BRSK1: variants seen among roughly 807,000 people sequenced by gnomAD.
The protein encoded by BRSK1 is BR serine/threonine kinase 1, also known as serine/threonine-protein kinase BRSK1.
BRSK1 carries 17 observed loss-of-function variants against 86.2 expected under a neutral mutation model. The observed-to-expected ratio is 0.20, with a 90% CI of 0.14 to 0.30. The LOEUF is 0.30. Ranked by LOEUF, BRSK1 falls within the 10% of genes least tolerant of loss-of-function variation. The pLI is 1.00. For synonymous variants in BRSK1, 464 were observed against 440.1 expected, an observed-to-expected ratio of 1.05 and a Z score of -0.68; for missense variants, 719 against 1,071.9, an observed-to-expected ratio of 0.67 and a Z score of 4.60.
intron 4 of BRSK1, among the ~76,000 whole-genome samples, chr19:55,291,908 G>C (rs943750591): frequency 1.3e-5 from 2 of 152,024 alleles, no homozygotes; most frequent in African/African-American, 4.8e-5. Flanking sequence ...ACAGGCACCC[G>C]CCACCATGCC....
At chr19:55,289,980 A>G (rs939230085) in intron 4 of BRSK1, among the ~76,000 whole-genome samples, 1 of 151,788 alleles carries the variant, frequency 6.6e-6, no homozygotes, top group Non-Finnish European at 1.5e-5. Context: ...CATACGATAC[A>G]TGGCCCTTTT....
chr19:55,299,951 G>A (rs1052472018), intron 7 of BRSK1, among the ~76,000 whole-genome samples: 1 of 152,144 alleles, frequency 6.6e-6, no homozygotes, highest in Non-Finnish European at 1.5e-5. Context: ...CCTCCCATGA[G>A]TCTTTGTCCA....
Position 55,304,527 on chromosome 19 carries a change from ATC to A in BRSK1, c.1348-21_1348-20del, listed in dbSNP as rs1386002971. 6.5e-7 allele frequency: 1 copy of A among 1,530,972 alleles called. No homozygotes were observed. The highest frequency in any genetic ancestry group is 1.4e-5 in the African/African-American group (1 of 70,778). 94.8% of individuals were successfully genotyped at this position (1,530,972 alleles called of 1,614,324 possible). On this transcript the variant is annotated intron_variant, in intron 13 of 18. Transcript: ENST00000309383. This position sits in a 1 kb window ranked among gnomAD's most constrained non-coding sequence, Gnocchi z 5.2. ...CCTGGGAGTTGTAGTCCACTCGCTT[ATC>A]TCAGTCTCCTGTCCTCTGCAGAGTC...
At chr19:55,298,245 T>C (rs2088520045) in intron 7 of BRSK1, among the ~76,000 whole-genome samples, 1 of 136,310 alleles carries the variant, frequency 7.3e-6, no homozygotes, top group Non-Finnish European at 1.6e-5. Flanking sequence ...TGAGATGAAG[T>C]CTTAGTCTTG....
intron 18 of BRSK1, among the ~76,000 whole-genome samples, chr19:55,309,661 A>G (rs942168025): frequency 2.6e-5 from 4 of 152,166 alleles, no homozygotes; most frequent in African/African-American, 7.2e-5. Flanking sequence ...TCATGACCTC[A>G]TCACCTCCTA....
chr19:55,290,560 TAA>T (rs1267604147), intron 4 of BRSK1, among the ~76,000 whole-genome samples: 1 of 152,226 alleles, frequency 6.6e-6, no homozygotes, highest in African/African-American at 2.4e-5. Context: ...TACATTTTTA[TAA>T]GTCTTGTGAA....
chr19:55,311,847 C>G, intron 18 of BRSK1, 64 bp from the exon 19 acceptor site: 2 of 1,561,124 alleles, frequency 1.3e-6, no homozygotes, highest in Admixed American at 3.7e-5. Flanking sequence ...GCCCCCATCC[C>G]CTGGTAATGG....
chr19:55,291,736 G>A (rs1318341282), intron 4 of BRSK1, among the ~76,000 whole-genome samples: 1 of 152,056 alleles, frequency 6.6e-6, no homozygotes, highest in East Asian at 1.9e-4. Flanking sequence ...TGATAAAAAG[G>A]CCACCTACTT....
intron 17 of BRSK1, among the ~76,000 whole-genome samples, chr19:55,308,043 CAG>C (rs2088689615): frequency 7.1e-6 from 1 of 141,456 alleles, no homozygotes; most frequent in African/African-American, 2.6e-5. Flanking sequence ...TTTTTTGAGA[CAG>C]AGTCTTGCTC....
intron 3 of BRSK1, chr19:55,288,149 T>G (rs1158907732): frequency 1.3e-5 from 2 of 152,150 alleles, no homozygotes; most frequent in Non-Finnish European, 2.9e-5. Flanking sequence ...AGTTTATGCT[T>G]CGGGCAGGAA....
chr19:55,305,020 C>T (rs1014940802), intron 14 of BRSK1, 100 bp downstream of exon 14: 2 of 1,512,992 alleles, frequency 1.3e-6, no homozygotes, highest in Non-Finnish European at 1.8e-6. Context: ...GAGGAAGGGA[C>T]TGGGGGCCTG....
At chr19:55,309,511 A>G (rs2088732965) in intron 18 of BRSK1, among the ~76,000 whole-genome samples, 1 of 152,240 alleles carries the variant, frequency 6.6e-6, no homozygotes. Flanking sequence ...AGCTGCCAGC[A>G]GCGTTGGTGC....
chr19:55,285,036 T>C (rs541015248), intron 1 of BRSK1, among the ~76,000 whole-genome samples: 2 of 115,632 alleles, frequency 1.7e-5, no homozygotes, highest in African/African-American at 6.7e-5. Context: ...GAGGAGGGGC[T>C]GGGGGTCTGG....
Position 55,294,967 on chromosome 19 carries a change from A to C in BRSK1, c.678+570A>C, listed in dbSNP as rs1283866303. Among the ~76,000 whole-genome samples, 2 of 151,792 alleles carry C rather than the reference A, an allele frequency of 1.3e-5. No individual in the cohort carries two copies. Among genetic ancestry groups the C allele is most frequent in the East Asian group, 3.9e-4 (2 of 5,164 alleles). The stretch of plus-strand genomic sequence containing the variant: ...CAGGTACCTGCCACCATGCTTGGCT[A>C]ATTTTTGTATCTTTAGTAGAGACGG... On this transcript the variant is annotated intron_variant, in intron 7 of 18. Coordinates refer to ENST00000309383, the MANE Select transcript of BRSK1 (RefSeq NM_032430.2). This position sits in a 1 kb window ranked among gnomAD's most constrained non-coding sequence, Gnocchi z 4.9.
chr19:55,302,655 C>A lies in BRSK1; in HGVS notation c.858-42C>A. On this transcript the variant is annotated intron_variant, in intron 9 of 18. Transcript: ENST00000309383. The surrounding 1 kb of genome is among the most constrained non-coding windows in gnomAD (Gnocchi z 6.3). The stretch of plus-strand genomic sequence containing the variant: ...GAGTCTAGAATGAAGAATGCTGAAT[C>A]TCAGAAGCCCGGTTCCCAATAATGT... The A allele has an allele frequency of 6.3e-7, 1 of 1,576,274 alleles. No homozygotes were observed.
chr19:55,308,170 G>A (rs184316591), intron 17 of BRSK1, among the ~76,000 whole-genome samples: 22 of 151,600 alleles, frequency 1.5e-4, no homozygotes, highest in Non-Finnish European at 1.2e-4. Context: ...ACAGGCATGC[G>A]TCACCATGCC....
chr19:55,303,585 C>T lies in BRSK1; in HGVS notation c.1127-82C>T, dbSNP rs2088603584. On this transcript the variant is annotated intron_variant, in intron 11 of 18. Coordinates refer to ENST00000309383, the MANE Select transcript of BRSK1 (RefSeq NM_032430.2). The surrounding 1 kb of genome is among the most constrained non-coding windows in gnomAD (Gnocchi z 5.1). ...TCCCCTCTCCACTCTAGGCCTGTTT[C>T]CCCATGTGTGCAGTTTCTGAGGCAG... 1.3e-6 allele frequency: 2 copies of T among 1,535,588 alleles called. No individual in the cohort carries two copies. Among genetic ancestry groups the T allele is most frequent in the African/African-American group, 1.4e-5 (1 of 72,728 alleles).
chr19:55,284,136 C>G lies in BRSK1; in HGVS notation c.-307C>G. 2 of 1,155,962 alleles carry G rather than the reference C, an allele frequency of 1.7e-6. No homozygotes were observed. Among genetic ancestry groups the G allele is most frequent in the Non-Finnish European group, 2.2e-6 (2 of 920,626 alleles). The allele number at this position is 1,155,962 out of a possible 1,614,324, so 71.6% of individuals were successfully genotyped here. ...AGCATCCGCCGGCCCGCACCTCAGA[C>G]CCCCCCGGCGGGGGGAGGCGCAGGA... On this transcript the variant is annotated 5_prime_UTR_variant, in exon 1 of 19. Transcript: ENST00000309383.
At position 55,302,620 on chromosome 19, in the gene BRSK1, C is replaced by T. The variant is rs961735814; in HGVS notation, c.858-77C>T. ...GGGCCTAGACTCGGATTTCGGGGTCCGGGATCATTGAGTCTAGAATGAAGA... is the reference window on the plus strand; with the variant it reads ...GGGCCTAGACTCGGATTTCGGGGTCTGGGATCATTGAGTCTAGAATGAAGA... On this transcript the variant is annotated intron_variant, in intron 9 of 18. Coordinates refer to ENST00000309383, the MANE Select transcript of BRSK1 (RefSeq NM_032430.2). This position sits in a 1 kb window ranked among gnomAD's most constrained non-coding sequence, Gnocchi z 6.3. The T allele has an allele frequency of 1.1e-5, 17 of 1,520,796 alleles. No individual in the cohort carries two copies. The highest frequency in any genetic ancestry group is 5.0e-5 in the South Asian group (4 of 79,224). 94.2% of individuals were successfully genotyped at this position (1,520,796 alleles called of 1,614,324 possible).
Sources: allele counts gnomAD v4.1 joint callset (sites outside exome capture counted in the v4.1 genomes callset), GRCh38; gene constraint gnomAD v4.1.1; non-coding constraint Gnocchi (gnomAD v3.1); transcripts MANE v1.5; gene names NCBI Gene and HGNC (gene_info 2026-07-23, HGNC 2026-07-21).